COL23A1: variants seen among roughly 807,000 people sequenced by gnomAD.
The protein encoded by COL23A1 is collagen type XXIII alpha 1 chain, also known as collagen alpha-1(XXIII) chain.
COL23A1 carries 97 observed loss-of-function variants against 99.3 expected under a neutral mutation model. That is an observed-to-expected ratio of 0.98 (90% CI 0.83 to 1.16). COL23A1 has a LOEUF of 1.16. COL23A1 is among the 50% of genes most tolerant of loss of function. The pLI, the probability that COL23A1 is intolerant of heterozygous loss-of-function variation, is 0.00. For synonymous variants in COL23A1, 320 were observed against 308.2 expected, an observed-to-expected ratio of 1.04 and a Z score of -0.40; for missense variants, 762 against 757.4, an observed-to-expected ratio of 1.01 and a Z score of -0.07.
intron 2 of COL23A1, among the ~76,000 whole-genome samples, chr5:178,407,246 C>T (rs1764813764): frequency 6.6e-6 from 1 of 152,208 alleles, no homozygotes; most frequent in African/African-American, 2.4e-5. Flanking sequence ...GAGCCCCTCA[C>T]CACCTTAAGT....
chr5:178,314,287 G>A (rs867290637), intron 2 of COL23A1, among the ~76,000 whole-genome samples: 1 of 152,118 alleles, frequency 6.6e-6, no homozygotes, highest in African/African-American at 2.4e-5. Context: ...AACAGCGCTG[G>A]GTCCTGCTGC....
At position 178,304,382 on chromosome 5, in the gene COL23A1, G is replaced by A. The variant is rs115670675; in HGVS notation, c.406+2493C>T. Among the ~76,000 whole-genome samples the A allele has an allele frequency of 2.7e-3, 411 of 152,056 alleles. 4 individuals carry two copies. The highest frequency in any genetic ancestry group is 4.0e-3 in the Non-Finnish European group (271 of 67,944). ...AAAAATTAGCTGGGCGTGGTGACGC[G>A]TGCCTGTAATCCAGCTACTGAGGTG... On this transcript the variant is annotated intron_variant, in intron 3 of 28. Coordinates refer to ENST00000390654, the MANE Select transcript of COL23A1 (RefSeq NM_173465.4).
Position 178,568,689 on chromosome 5 carries a change from G to A in COL23A1, c.295-7941C>T, listed in dbSNP as rs138366815. On this transcript the variant is annotated intron_variant, in intron 1 of 28. Transcript: ENST00000390654. ...CATAAGCAGAATCAACACCACTTGT[G>A]ATTTCCTTGCCCTTTGTCTGGTTCC... Among the ~76,000 whole-genome samples, 24 of 152,314 alleles carry A rather than the reference G, an allele frequency of 1.6e-4. No homozygotes were observed. The East Asian group carries it at 3.7e-3, about 23-fold the overall frequency.
Position 178,263,250 on chromosome 5 carries a change from G to A in COL23A1, c.597C>T (p.Gly199=), listed in dbSNP as rs202101672. The A allele has an allele frequency of 1.4e-5, 22 of 1,613,356 alleles. No individual in the cohort carries two copies. Among genetic ancestry groups the A allele is most frequent in the Middle Eastern group, 1.7e-4 (1 of 5,848 alleles). ...PGPPGARGPP[G]DTGKDGPRGA... ...CCCTGGGGCCATCTTTCCCAGTGTC[G>A]CCAGGAGGGCCCCGGGCCCCAGGAG... Residue 199 remains glycine, a synonymous_variant, in exon 9 of 29, where the codon GGC becomes GGT. Coordinates refer to ENST00000390654, the MANE Select transcript of COL23A1 (RefSeq NM_173465.4).
rs754179891 is a variant in COL23A1, at chr5:178,256,921, G to A, written c.782C>T (p.Pro261Leu). 4 of 1,613,502 alleles carry A rather than the reference G, an allele frequency of 2.5e-6. No individual in the cohort carries two copies. Among genetic ancestry groups the A allele is most frequent in the African/African-American group, 2.7e-5 (2 of 75,034 alleles). The change falls in exon 14 of 29, where the codon CCA (proline) becomes CTA (leucine). Residue 261 changes from proline to leucine, a missense_variant. Pro to Leu is a moderately conservative substitution (Grantham distance 98). Coordinates refer to ENST00000390654, the MANE Select transcript of COL23A1 (RefSeq NM_173465.4). ...CTCTCCCCGAGGCCCCATGCTCCCTGGCTCGCCCTGAAACAGACACAGCTG... is the reference window on the plus strand; with the variant it reads ...CTCTCCCCGAGGCCCCATGCTCCCTAGCTCGCCCTGAAACAGACACAGCTG... ...QPGPPGPKGE[P>L]GSMGPRGENG...
At chr5:178,311,277 C>T (rs1758654935) in intron 2 of COL23A1, among the ~76,000 whole-genome samples, 1 of 152,106 alleles carries the variant, frequency 6.6e-6, no homozygotes, top group African/African-American at 2.4e-5. Flanking sequence ...CTCATTGAAC[C>T]TTAGAGTTTC....
At chr5:178,559,458 G>A (rs181627037) in intron 2 of COL23A1, among the ~76,000 whole-genome samples, 103 of 151,490 alleles carry the variant, frequency 6.8e-4, no homozygotes, top group Admixed American at 2.1e-3. Flanking sequence ...TTCCCTGCAC[G>A]TCGAGAAGTC....
At position 178,247,792 on chromosome 5, in the gene COL23A1, CA is replaced by C. The variant is rs1426755682; in HGVS notation, c.1251del (p.Gly418AlafsTer62). ...LIVEPGPPGP[P>X]GPPGPMGLQG... ...GTCCTTACCATCGGGCCTGGGGGGC[CA>C]GGGGGGCCAGGGGGCCCTGGCTCCA... is the stretch of plus-strand genomic sequence containing the variant. On this transcript the variant is annotated frameshift_variant, in exon 21 of 29. Transcript: ENST00000390654. LOFTEE classifies it high-confidence loss of function. The C allele has an allele frequency of 7.4e-6, 12 of 1,611,814 alleles. No homozygotes were observed. The highest frequency in any genetic ancestry group is 1.0e-5 in the Non-Finnish European group (12 of 1,179,238).
chr5:178,456,743 A>G (rs1249014898), intron 2 of COL23A1, among the ~76,000 whole-genome samples: 1 of 71,864 alleles, frequency 1.4e-5, no homozygotes, highest in Non-Finnish European at 3.2e-5. Flanking sequence ...ATTGTACTAG[A>G]AAAAAAAATG....
At chr5:178,378,357 TC>T (rs1763195057) in intron 2 of COL23A1, 1 of 148,408 alleles carries the variant, frequency 6.7e-6, no homozygotes, top group African/African-American at 2.6e-5. Flanking sequence ...AGGACTGCAG[TC>T]CATGCCCCAC....
chr5:178,403,137 A>AAAAC (rs1561940793), intron 2 of COL23A1, among the ~76,000 whole-genome samples: 1 of 137,060 alleles, frequency 7.3e-6, no homozygotes. Flanking sequence ...TAAATAAAAA[A>AAAAC]TAAATACCAT....
intron 5 of COL23A1, among the ~76,000 whole-genome samples, chr5:178,283,174 C>T (rs1756987468): frequency 6.6e-6 from 1 of 152,172 alleles, no homozygotes; most frequent in African/African-American, 2.4e-5. Context: ...GCGTGAGCCA[C>T]CGCGCCCGGC....
intron 2 of COL23A1, among the ~76,000 whole-genome samples, chr5:178,457,225 T>C (rs1476517096): frequency 1.3e-5 from 2 of 152,208 alleles, no homozygotes; most frequent in East Asian, 3.9e-4. Context: ...TTTTTCTTTT[T>C]TCTTTTGAGA....
intron 2 of COL23A1, chr5:178,438,551 T>G (rs1382268933): frequency 6.6e-6 from 1 of 152,184 alleles, no homozygotes; most frequent in African/African-American, 2.4e-5. Context: ...GCTAACATGC[T>G]GGTTCCTTAC....
At chr5:178,321,478 C>T (rs989281006) in intron 2 of COL23A1, among the ~76,000 whole-genome samples, 1 of 144,586 alleles carries the variant, frequency 6.9e-6, no homozygotes. Flanking sequence ...AGGTCACCTT[C>T]CCTTTTTTTT....
intron 1 of COL23A1, among the ~76,000 whole-genome samples, chr5:178,578,840 C>CA (rs1763525388): frequency 6.6e-6 from 1 of 151,768 alleles, no homozygotes; most frequent in African/African-American, 2.4e-5. Context: ...TTTTTTGAGA[C>CA]AGAGGACTCT....
chr5:178,409,433 A>C (rs1764950334), intron 2 of COL23A1, among the ~76,000 whole-genome samples: 1 of 152,222 alleles, frequency 6.6e-6, no homozygotes, highest in South Asian at 2.1e-4. Context: ...TGGAGATGTT[A>C]GGAACATTGT....
chr5:178,516,150 C>T (rs1417445281), intron 2 of COL23A1, among the ~76,000 whole-genome samples: 1 of 152,238 alleles, frequency 6.6e-6, no homozygotes, highest in Non-Finnish European at 1.5e-5. Flanking sequence ...CCACCCTACC[C>T]CTCTTCCCGT....
At chr5:178,253,160 G>A (rs1765122579) in intron 16 of COL23A1, among the ~76,000 whole-genome samples, 1 of 152,078 alleles carries the variant, frequency 6.6e-6, no homozygotes, top group Admixed American at 6.5e-5. Context: ...CTTTCTGCAG[G>A]CTACCTGCCA....
Sources: gnomAD v4.1 joint callset for allele counts (sites outside exome capture counted in the v4.1 genomes callset) on GRCh38, gnomAD v4.1.1 for gene constraint, MANE v1.5 for transcripts, NCBI Gene and HGNC (gene_info 2026-07-23, HGNC 2026-07-21) for gene names.